FHIT: variants seen among roughly 807,000 people sequenced by gnomAD.
FHIT encodes bis(5'-adenosyl)-triphosphatase.
A neutral mutation model predicts 17.9 loss-of-function variants in FHIT; 19 were observed. That is an observed-to-expected ratio of 1.06 (90% CI 0.74 to 1.56). The LOEUF (loss-of-function observed/expected upper bound fraction) is 1.56, where lower values mean the gene tolerates loss of function less well. FHIT is among the 40% of genes most tolerant of loss of function. The pLI is 0.00. For missense variants in FHIT, 248 were observed against 189.2 expected (o/e 1.31, Z -1.82); for synonymous variants, 81 against 69.7 (o/e 1.16, Z -0.81).
At chr3:60,618,210 C>T (rs1382965349) in intron 4 of FHIT, 1 of 152,538 alleles carries the variant, frequency 6.6e-6, no homozygotes, top group African/African-American at 2.4e-5. Context: ...AATTCTTTGG[C>T]TATTTTGTTT....
chr3:60,830,511 C>T (rs189362397), intron 3 of FHIT, among the ~76,000 whole-genome samples: 46 of 152,148 alleles, frequency 3.0e-4, no homozygotes, highest in Non-Finnish European at 4.7e-4. Flanking sequence ...TATTCTGGTG[C>T]TAGTAAAAAT....
intron 3 of FHIT, among the ~76,000 whole-genome samples, chr3:61,011,486 A>G (rs538802640): frequency 2.6e-5 from 4 of 152,300 alleles, no homozygotes; most frequent in African/African-American, 9.6e-5. Flanking sequence ...AACACTAATC[A>G]TCAACACACT....
chr3:60,501,655 A>C (rs767062885), intron 5 of FHIT, among the ~76,000 whole-genome samples: 2 of 152,188 alleles, frequency 1.3e-5, no homozygotes, highest in Non-Finnish European at 2.9e-5. Flanking sequence ...CGGAATCTCC[A>C]TTTTAACAAA....
chr3:60,721,020 G>T (rs572018063), intron 4 of FHIT, among the ~76,000 whole-genome samples: 1 of 152,202 alleles, frequency 6.6e-6, no homozygotes, highest in East Asian at 1.9e-4. Flanking sequence ...GGTCCTTTGG[G>T]TTAAGTGATG....
intron 8 of FHIT, among the ~76,000 whole-genome samples, chr3:59,853,554 C>T (rs1437174426): frequency 2.6e-5 from 4 of 152,142 alleles, no homozygotes; most frequent in East Asian, 3.9e-4. Context: ...AAACTGGAAG[C>T]TTATCTAAAT....
At chr3:60,926,436 CA>C (rs1484024143) in intron 3 of FHIT, among the ~76,000 whole-genome samples, 1 of 152,218 alleles carries the variant, frequency 6.6e-6, no homozygotes, top group Admixed American at 6.5e-5. Context: ...GGAAACTGAA[CA>C]ACCTGCTCCT....
At chr3:60,715,569 A>G (rs1363856301) in intron 4 of FHIT, among the ~76,000 whole-genome samples, 1 of 144,900 alleles carries the variant, frequency 6.9e-6, no homozygotes, top group Non-Finnish European at 1.5e-5. Flanking sequence ...GGAATTGAAC[A>G]ATGAGAACAC....
At chr3:59,972,044 C>A (rs1025470035) in intron 7 of FHIT, among the ~76,000 whole-genome samples, 3 of 152,060 alleles carry the variant, frequency 2.0e-5, no homozygotes, top group Admixed American at 1.3e-4. Context: ...ATAGGAATGT[C>A]CACTGCTTGG....
chr3:60,033,350 C>T (rs1022674050), intron 5 of FHIT, among the ~76,000 whole-genome samples: 16 of 151,918 alleles, frequency 1.1e-4, no homozygotes, highest in African/African-American at 3.6e-4. Context: ...ACAAATCAGC[C>T]GGGCGTGGTG....
chr3:60,543,796 G>C (rs1036696500), intron 4 of FHIT, among the ~76,000 whole-genome samples: 2 of 151,906 alleles, frequency 1.3e-5, no homozygotes, highest in Non-Finnish European at 2.9e-5. Context: ...CCAGGCTGGA[G>C]TGCAGCGGCG....
Position 60,962,133 on chromosome 3 carries a change from G to A in FHIT, c.-111+79914C>T, listed in dbSNP as rs560796894. ...GCAGTGGTTTGTAGTTCTCCTTGAA[G>A]AGGTCCTTCCCATCTCTTGTAAATT... is the stretch of plus-strand genomic sequence containing the variant. On this transcript the variant is annotated intron_variant, in intron 3 of 9. Coordinates refer to ENST00000492590, the MANE Select transcript of FHIT (RefSeq NM_002012.4). Among the ~76,000 whole-genome samples, 9 of 152,290 alleles carry A rather than the reference G, an allele frequency of 5.9e-5. No homozygotes were observed. In the South Asian group the frequency reaches 1.9e-3, roughly 32 times the overall value.
chr3:61,077,465 A>AAAAC (rs1026862267), intron 2 of FHIT, among the ~76,000 whole-genome samples: 170 of 152,170 alleles, frequency 1.1e-3, no homozygotes, highest in Non-Finnish European at 1.6e-3. Flanking sequence ...ATTATTAAAA[A>AAAAC]AAACAAACAA....
At chr3:60,639,459 C>CA (rs2039672170) in intron 4 of FHIT, among the ~76,000 whole-genome samples, 1 of 151,992 alleles carries the variant, frequency 6.6e-6, no homozygotes, top group African/African-American at 2.4e-5. Flanking sequence ...GTTGGGGAGA[C>CA]AAAATTGCAA....
chr3:60,139,481 A>T (rs1699945234), intron 5 of FHIT, among the ~76,000 whole-genome samples: 1 of 152,170 alleles, frequency 6.6e-6, no homozygotes, highest in East Asian at 1.9e-4. Flanking sequence ...TGAAAAGTCT[A>T]TCACCCCAGC....
chr3:60,828,260 C>A (rs532482150), intron 3 of FHIT, among the ~76,000 whole-genome samples: 2 of 152,220 alleles, frequency 1.3e-5, no homozygotes, highest in South Asian at 4.2e-4. Context: ...TTATCATTCA[C>A]CTTTTTTAAC....
At chr3:60,242,082 G>A (rs1705158035) in intron 5 of FHIT, among the ~76,000 whole-genome samples, 1 of 151,926 alleles carries the variant, frequency 6.6e-6, no homozygotes, top group Admixed American at 6.6e-5. Context: ...CATTGATTTA[G>A]GCCATTATTA....
intron 2 of FHIT, among the ~76,000 whole-genome samples, chr3:61,197,627 C>T (rs2038891050): frequency 6.6e-6 from 1 of 152,158 alleles, no homozygotes. Context: ...TTTTCAATCA[C>T]ATTTTACACA....
intron 5 of FHIT, among the ~76,000 whole-genome samples, chr3:60,092,280 T>G (rs1703765509): frequency 6.6e-6 from 1 of 152,168 alleles, no homozygotes; most frequent in Admixed American, 6.5e-5. Context: ...TGGTACCATG[T>G]GAGTTTTGAT....
intron 3 of FHIT, among the ~76,000 whole-genome samples, chr3:60,889,318 TC>T (rs1475312708): frequency 6.6e-6 from 1 of 152,210 alleles, no homozygotes; most frequent in East Asian, 1.9e-4. Flanking sequence ...CCCTCCCTTG[TC>T]CAAGTGTGCG....
Sources: gnomAD v4.1 joint callset for allele counts (sites outside exome capture counted in the v4.1 genomes callset) on GRCh38, gnomAD v4.1.1 for gene constraint, MANE v1.5 for transcripts, NCBI Gene and HGNC (gene_info 2026-07-23, HGNC 2026-07-21) for gene names.